VRK3: variants seen among roughly 807,000 people sequenced by gnomAD.
VRK3 encodes the protein serine/threonine-protein kinase VRK3.
A neutral mutation model predicts 60.4 loss-of-function variants in VRK3; 50 were observed. The observed-to-expected ratio is 0.83, with a 90% CI of 0.66 to 1.05. The LOEUF (loss-of-function observed/expected upper bound fraction) is 1.05. Ranked by LOEUF, VRK3 falls within the 50% of genes least tolerant of loss-of-function variation. The probability of loss-of-function intolerance (pLI) is 0.00; values close to 1 mark genes in which losing one functional copy is unlikely to be tolerated. For missense variants in VRK3, 549 were observed against 585.3 expected (o/e 0.94, Z 0.64); for synonymous variants, 246 against 227.8 (o/e 1.08, Z -0.72).
At chr19:50,007,946 C>G (rs2076926790) in intron 4 of VRK3, 120 bp from the exon 5 acceptor site, 1 of 1,397,172 alleles carries the variant, frequency 7.2e-7, no homozygotes, top group Non-Finnish European at 9.6e-7. Flanking sequence ...CAAACATTTC[C>G]TGGGACCTTC....
intron 5 of VRK3, among the ~76,000 whole-genome samples, chr19:50,007,010 C>G (rs561616016): frequency 9.5e-4 from 145 of 152,244 alleles, no homozygotes; most frequent in African/African-American, 3.0e-3. Context: ...CTGAGCCCAG[C>G]CCCACCCCCA....
At chr19:49,978,302 T>G in intron 14 of VRK3, among the ~76,000 whole-genome samples, 1 of 152,118 alleles carries the variant, frequency 6.6e-6, no homozygotes. Context: ...ATGAGAGAAA[T>G]GACTACTCCG....
At chr19:50,008,940 A>G (rs562065717) in intron 4 of VRK3, 16 of 327,614 alleles carry the variant, frequency 4.9e-5, no homozygotes, top group African/African-American at 3.2e-4. Flanking sequence ...GGGCTAAAGC[A>G]GGAACCAGGC....
intron 12 of VRK3, chr19:49,981,892 G>T (rs1451030980): frequency 7.4e-5 from 79 of 1,074,818 alleles, no homozygotes; most frequent in Non-Finnish European, 9.3e-5. Context: ...TTAACTGGTA[G>T]GTTCAAAGCA....
At chr19:49,995,313 G>A in intron 7 of VRK3, 38 bp from the exon 8 acceptor site, 2 of 1,590,220 alleles carry the variant, frequency 1.3e-6, no homozygotes, top group South Asian at 2.2e-5. Flanking sequence ...AACCCACCCA[G>A]TCCCAAGCCC....
At chr19:49,987,468 A>C (rs554038114) in intron 12 of VRK3, among the ~76,000 whole-genome samples, 1 of 152,154 alleles carries the variant, frequency 6.6e-6, no homozygotes, top group Non-Finnish European at 1.5e-5. Flanking sequence ...CTTAGTGTTC[A>C]ATCTCACCCC....
chr19:50,016,201 C>A (rs147598392), intron 2 of VRK3, 38 bp from the exon 3 acceptor site: 3 of 1,610,168 alleles, frequency 1.9e-6, no homozygotes, highest in African/African-American at 2.7e-5. Flanking sequence ...GTGAAACGGG[C>A]CAGCTGAAGG....
chr19:49,983,608 T>C (rs920638039), intron 12 of VRK3, among the ~76,000 whole-genome samples: 1 of 152,238 alleles, frequency 6.6e-6, no homozygotes, highest in African/African-American at 2.4e-5. Context: ...CATTTGTGCT[T>C]TGCCCAGCAA....
intron 4 of VRK3, 136 bp downstream of exon 4, chr19:50,009,100 G>A: frequency 9.5e-7 from 1 of 1,052,640 alleles, no homozygotes; most frequent in Non-Finnish European, 1.4e-6. Context: ...GGAGGCTGGG[G>A]AAGCTGCTGG....
At chr19:49,981,483 T>C (rs1600649028) in intron 12 of VRK3, among the ~76,000 whole-genome samples, 2 of 152,290 alleles carry the variant, frequency 1.3e-5, no homozygotes, top group South Asian at 2.1e-4. Flanking sequence ...AGGCAGAGCT[T>C]GCAGTGAGCC....
At chr19:50,016,609 C>T (rs2122602896) in intron 2 of VRK3, among the ~76,000 whole-genome samples, 1 of 152,312 alleles carries the variant, frequency 6.6e-6, no homozygotes, top group South Asian at 2.1e-4. Flanking sequence ...TGTATTGAGC[C>T]ACCAAGATTT....
rs35914377 is a variant in VRK3, at chr19:50,007,926, G to A, written c.290-100C>T. ...CAAAATACTGTTCCTTTACAAATTC[G>A]TTCATTCAACAAACATTTCCTGGGA... On this transcript the variant is annotated intron_variant, in intron 4 of 14. Coordinates refer to ENST00000316763, the MANE Select transcript of VRK3 (RefSeq NM_016440.4). 9.8e-3 allele frequency: 14,882 copies of A among 1,512,932 alleles called. 1,262 individuals carry two copies. In the African/African-American group the frequency reaches 0.18, roughly 19 times the overall value. 93.7% of individuals were successfully genotyped at this position (1,512,932 alleles called of 1,614,324 possible). A position where few individuals can be genotyped will look rare whatever the true frequency, so the allele number is the denominator to read the frequency against.
intron 13 of VRK3, among the ~76,000 whole-genome samples, chr19:49,979,478 CTCAG>C (rs1410237380): frequency 6.6e-6 from 1 of 152,244 alleles, no homozygotes; most frequent in Non-Finnish European, 1.5e-5. Flanking sequence ...GTACCCATCA[CTCAG>C]TTTCAACAAG....
chr19:50,010,475 G>A (rs2076976157), intron 3 of VRK3, among the ~76,000 whole-genome samples: 1 of 152,212 alleles, frequency 6.6e-6, no homozygotes, highest in Non-Finnish European at 1.5e-5. Context: ...TGTTTTCCAA[G>A]AGAAGATTTG....
At chr19:49,994,678 G>T in intron 9 of VRK3, 136 bp downstream of exon 9, 1 of 777,996 alleles carries the variant, frequency 1.3e-6, no homozygotes. Flanking sequence ...CGCCTGCCAT[G>T]GCAGTCAGTG....
At chr19:49,999,975 C>T (rs898242104) in intron 6 of VRK3, 4 of 152,246 alleles carry the variant, frequency 2.6e-5, no homozygotes, top group African/African-American at 9.7e-5. Flanking sequence ...CCGGCTCAGG[C>T]AATGCCAGGC....
intron 13 of VRK3, among the ~76,000 whole-genome samples, chr19:49,980,482 G>A (rs564670836): frequency 1.3e-5 from 2 of 152,212 alleles, no homozygotes; most frequent in South Asian, 2.1e-4. Context: ...TTGGGAGGCC[G>A]AGGTAGGTAG....
chr19:50,014,904 CAAG>C (rs2077050350), intron 3 of VRK3, among the ~76,000 whole-genome samples: 1 of 152,020 alleles, frequency 6.6e-6, no homozygotes, highest in Non-Finnish European at 1.5e-5. Flanking sequence ...GAGCAGAGGG[CAAG>C]AAGGCTTCTG....
chr19:49,989,922 G>T, intron 10 of VRK3, 151 bp from the exon 11 acceptor site: 1 of 966,482 alleles, frequency 1.0e-6, no homozygotes, highest in Non-Finnish European at 1.4e-6. Context: ...AAAATGATGT[G>T]AAGTAAAAAG....
Sources: allele counts gnomAD v4.1 joint callset (sites outside exome capture counted in the v4.1 genomes callset), GRCh38; gene constraint gnomAD v4.1.1; transcripts MANE v1.5; gene names NCBI Gene and HGNC (gene_info 2026-07-23, HGNC 2026-07-21).